Variants in ARHGAP26 observed in about 807,000 individuals in gnomAD.
The protein encoded by ARHGAP26 is rho GTPase-activating protein 26.
In ARHGAP26, 38 loss-of-function variants were observed where a neutral mutation model predicts 104.8. The ratio of observed to expected loss-of-function variants is 0.36; its 90% confidence interval spans 0.28 to 0.48. ARHGAP26 has a LOEUF of 0.48. ARHGAP26 is among the 20% of genes least tolerant of loss of function. ARHGAP26 has a pLI of 0.99. For missense variants in ARHGAP26, 704 were observed against 947.9 expected, an observed-to-expected ratio of 0.74 and a Z score of 3.38; for synonymous variants, 341 against 340.0, an observed-to-expected ratio of 1.00 and a Z score of -0.03.
intron 11 of ARHGAP26, among the ~76,000 whole-genome samples, chr5:142,938,668 A>G (rs866392615): frequency 8.5e-5 from 13 of 152,348 alleles, no homozygotes; most frequent in African/African-American, 2.9e-4. Flanking sequence ...TCCATCTGCT[A>G]TGGAAAAGAT....
intron 20 of ARHGAP26, among the ~76,000 whole-genome samples, chr5:143,166,370 A>G (rs1801946117): frequency 6.6e-6 from 1 of 152,174 alleles, no homozygotes; most frequent in South Asian, 2.1e-4. Context: ...CAGAGCAGGA[A>G]CTATAAGGAG....
At position 142,894,320 on chromosome 5, in the gene ARHGAP26, A is replaced by G. The variant is rs1598124631; in HGVS notation, c.569A>G (p.Glu190Gly). Reference protein sequence around the residue: ...EYVFKVQEVQERKMFEFVEPL... With the variant: ...EYVFKVQEVQGRKMFEFVEPL... ...GTCTTCAAGGTGCAGGAAGTCCAAG[A>G]GAGAAAGATGTTTGAGTTTGTGGAG... The change falls in exon 6 of 23, where the codon GAG (glutamate) becomes GGG (glycine). Residue 190 changes from glutamate (E) to glycine (G), a missense_variant. By Grantham distance (98) the Glu-to-Gly change is moderately conservative. Transcript: ENST00000645722. 6.2e-7 allele frequency: 1 copy of G among 1,614,022 alleles called. No homozygotes were observed. The highest frequency in any genetic ancestry group is 8.5e-7 in the Non-Finnish European group (1 of 1,179,990).
chr5:142,902,014 C>G lies in ARHGAP26; in HGVS notation c.677C>G (p.Thr226Arg). The change falls in exon 7 of 23, where the codon ACA becomes AGA. Residue 226 changes from threonine (T) to arginine (R), a missense_variant. By Grantham distance (71) the Thr-to-Arg change is moderately conservative. Coordinates refer to ENST00000645722, the MANE Select transcript of ARHGAP26 (RefSeq NM_001135608.3). ...GCCAAGGATTTCGGGGACTTCAAGACACAGTTAACCATTAGCATACAGAAC... is the reference window on the plus strand; with the variant it reads ...GCCAAGGATTTCGGGGACTTCAAGAGACAGTTAACCATTAGCATACAGAAC... ...ELAKDFGDFK[T>R]QLTISIQNTR... is the part of the protein sequence containing the mutation. The G allele has an allele frequency of 6.2e-7, 1 of 1,613,838 alleles. No individual in the cohort carries two copies. The highest frequency in any genetic ancestry group is 8.5e-7 in the Non-Finnish European group (1 of 1,179,780).
At chr5:142,992,945 A>G (rs954027068) in intron 11 of ARHGAP26, among the ~76,000 whole-genome samples, 2 of 152,072 alleles carry the variant, frequency 1.3e-5, no homozygotes, top group African/African-American at 4.8e-5. Context: ...TACTCTTTCC[A>G]TATTTGAAGA....
intron 20 of ARHGAP26, among the ~76,000 whole-genome samples, chr5:143,178,727 A>T (rs1803869882): frequency 6.6e-6 from 1 of 152,132 alleles, no homozygotes; most frequent in Non-Finnish European, 1.5e-5. Context: ...CCCAGGAGGG[A>T]GGCTGTTCAT....
intron 1 of ARHGAP26, among the ~76,000 whole-genome samples, chr5:142,781,859 G>A (rs371945780): frequency 9.9e-5 from 15 of 152,002 alleles, no homozygotes; most frequent in African/African-American, 2.2e-4. Context: ...CTACAGGTGC[G>A]TGCCACCATG....
At chr5:143,180,050 C>T (rs532859438) in intron 20 of ARHGAP26, among the ~76,000 whole-genome samples, 1 of 152,206 alleles carries the variant, frequency 6.6e-6, no homozygotes, top group Non-Finnish European at 1.5e-5. Context: ...CTCTCTGTCT[C>T]AAAGGAGCCT....
chr5:143,210,447 A>G (rs1174054278), intron 21 of ARHGAP26, among the ~76,000 whole-genome samples: 23 of 152,144 alleles, frequency 1.5e-4, no homozygotes. Flanking sequence ...CACAGAGCCA[A>G]ACCATATCAC....
chr5:143,161,730 A>T (rs1395148121), intron 20 of ARHGAP26, among the ~76,000 whole-genome samples: 1 of 152,222 alleles, frequency 6.6e-6, no homozygotes, highest in African/African-American at 2.4e-5. Context: ...TAGTAATTTT[A>T]TAATCCTTTT....
At position 143,226,297 on chromosome 5, in the gene ARHGAP26, C is replaced by T. The variant is rs865968543; in HGVS notation, c.*3851C>T. 8 of 175,732 alleles carry T rather than the reference C, an allele frequency of 4.6e-5. No homozygotes were observed. Among genetic ancestry groups the T allele is most frequent in the South Asian group, 4.0e-4 (2 of 5,022 alleles). The allele number at this position is 175,732 out of a possible 1,614,324, so 10.9% of individuals were successfully genotyped here. On this transcript the variant is annotated 3_prime_UTR_variant, in exon 23 of 23. Coordinates refer to ENST00000645722, the MANE Select transcript of ARHGAP26 (RefSeq NM_001135608.3). The stretch of plus-strand genomic sequence containing the variant: ...GAGATTGAGACCATCCTGGCTACGA[C>T]GGTGAAACCCCGTCTCTACTAAAAA...
intron 17 of ARHGAP26, among the ~76,000 whole-genome samples, chr5:143,073,596 C>T (rs1788569874): frequency 6.6e-6 from 1 of 152,172 alleles, no homozygotes; most frequent in Non-Finnish European, 1.5e-5. Context: ...CTGGTTTTTA[C>T]TAACTCTTTT....
intron 1 of ARHGAP26, among the ~76,000 whole-genome samples, chr5:142,861,470 GTAT>G (rs1753332945): frequency 6.6e-6 from 1 of 151,882 alleles, no homozygotes; most frequent in East Asian, 1.9e-4. Context: ...GCTTCCTGTG[GTAT>G]TAGTGGCAAG....
intron 18 of ARHGAP26, among the ~76,000 whole-genome samples, chr5:143,131,596 G>C (rs991907818): frequency 3.9e-5 from 6 of 152,296 alleles, no homozygotes; most frequent in Non-Finnish European, 8.8e-5. Flanking sequence ...TGTATGTTTG[G>C]GACACCAGCT....
At chr5:142,818,895 A>T (rs1485927400) in intron 1 of ARHGAP26, among the ~76,000 whole-genome samples, 2 of 151,996 alleles carry the variant, frequency 1.3e-5, no homozygotes, top group African/African-American at 2.4e-5. Context: ...TGACCCTATG[A>T]TAAGGTTCAA....
chr5:142,947,063 T>G (rs1266702055), intron 11 of ARHGAP26: 1 of 134,340 alleles, frequency 7.4e-6, no homozygotes. Context: ...AAAAGCAAGG[T>G]TCCCCACTTT....
intron 18 of ARHGAP26, among the ~76,000 whole-genome samples, chr5:143,128,991 G>T (rs964242166): frequency 6.6e-6 from 1 of 152,134 alleles, no homozygotes; most frequent in African/African-American, 2.4e-5. Flanking sequence ...TAAATTGCAG[G>T]CGCATGTGAC....
chr5:142,983,533 A>G (rs1209253961), intron 11 of ARHGAP26, among the ~76,000 whole-genome samples: 1 of 152,236 alleles, frequency 6.6e-6, no homozygotes, highest in Non-Finnish European at 1.5e-5. Flanking sequence ...TGTTTTCAAA[A>G]TGGTCTGAGA....
chr5:143,150,831 C>T (rs535152615), intron 20 of ARHGAP26, among the ~76,000 whole-genome samples: 1 of 152,252 alleles, frequency 6.6e-6, no homozygotes, highest in Admixed American at 6.5e-5. Flanking sequence ...TAGAAGATAA[C>T]ATAGGAGAAA....
chr5:142,967,661 A>C (rs1771602380), intron 11 of ARHGAP26, among the ~76,000 whole-genome samples: 1 of 152,184 alleles, frequency 6.6e-6, no homozygotes, highest in South Asian at 2.1e-4. Context: ...CTAGGCACTT[A>C]GATGATAGAA....
Sources: gnomAD v4.1 joint callset for allele counts (sites outside exome capture counted in the v4.1 genomes callset) on GRCh38, gnomAD v4.1.1 for gene constraint, MANE v1.5 for transcripts, NCBI Gene and HGNC (gene_info 2026-07-23, HGNC 2026-07-21) for gene names.